The following ATF7IP2 variants were observed in gnomAD, a reference collection of about 807,000 sequenced individuals.
ATF7IP2 encodes activating transcription factor 7 interacting protein 2.
ATF7IP2 carries 42 observed loss-of-function variants against 64.2 expected under a neutral mutation model. The ratio of observed to expected loss-of-function variants is 0.65; its 90% CI spans 0.51 to 0.85. The LOEUF is 0.85. ATF7IP2 is among the 40% of genes least tolerant of loss of function. The pLI, the probability that ATF7IP2 is intolerant of heterozygous loss-of-function variation, is 0.00. For synonymous variants in ATF7IP2, 308 were observed against 272.8 expected (o/e 1.13, Z -1.27); for missense variants, 933 against 784.2 (o/e 1.19, Z -2.27).
Position 10,457,539 on chromosome 16 carries a change from T to G in ATF7IP2, c.1352+10T>G, listed in dbSNP as rs1188559170. On this transcript the variant is annotated intron_variant, in intron 9 of 13. Transcript: ENST00000562102. Reference sequence around the variant, plus strand: ...AGTCTGTTTCTGAAAGGTAGGTGTTTCTGCAAAAATGCATAAATTTATCTA... The same window carrying G: ...AGTCTGTTTCTGAAAGGTAGGTGTTGCTGCAAAAATGCATAAATTTATCTA... 6.5e-7 allele frequency: 1 copy of G among 1,535,274 alleles called. No homozygotes were observed. The highest frequency in any genetic ancestry group is 2.3e-5 in the Admixed American group (1 of 43,512).
chr16:10,475,954 T>C (rs2142089189), intron 12 of ATF7IP2, among the ~76,000 whole-genome samples: 1 of 152,354 alleles, frequency 6.6e-6, no homozygotes, highest in South Asian at 2.1e-4. Context: ...AGTCCTGTTT[T>C]GTCTCTTATT....
At chr16:10,452,773 T>C (rs968312750) in intron 8 of ATF7IP2, among the ~76,000 whole-genome samples, 3 of 152,126 alleles carry the variant, frequency 2.0e-5, no homozygotes, top group African/African-American at 7.2e-5. Flanking sequence ...TTTTCAGAGA[T>C]GCCCTGTCCA....
intron 1 of ATF7IP2, among the ~76,000 whole-genome samples, chr16:10,397,203 A>G (rs1265334668): frequency 3.3e-5 from 5 of 152,068 alleles, no homozygotes; most frequent in Non-Finnish European, 5.9e-5. Context: ...TTTTATCCCA[A>G]TACTGTACTG....
chr16:10,440,063 G>A (rs544673315), intron 7 of ATF7IP2, among the ~76,000 whole-genome samples: 1 of 152,070 alleles, frequency 6.6e-6, no homozygotes, highest in South Asian at 2.1e-4. Flanking sequence ...GGGAGGCTGA[G>A]GCAGGAGAAT....
rs190413868 is a variant in ATF7IP2, at chr16:10,439,031, G to A, written c.1095+796G>A. Among the ~76,000 whole-genome samples, 859 of 117,140 alleles carry A rather than the reference G, an allele frequency of 7.3e-3. 11 individuals are homozygous for A. The highest frequency in any genetic ancestry group is 0.013 in the South Asian group (44 of 3,332). The allele number at this position is 117,140 out of a possible 152,430, so 76.8% of individuals were successfully genotyped here. A position where few individuals can be genotyped will look rare whatever the true frequency, so the allele number is the denominator to read the frequency against. On this transcript the variant is annotated intron_variant, in intron 7 of 13. Transcript: ENST00000562102. ...TTGCACCACTGCACTCCAGTCTGCC[G>A]ACAGCGAGACTCCATCTCAAAAAAA...
At chr16:10,412,541 G>A (rs138735120) in intron 1 of ATF7IP2, among the ~76,000 whole-genome samples, 3 of 152,212 alleles carry the variant, frequency 2.0e-5, no homozygotes, top group South Asian at 4.1e-4. Flanking sequence ...CTGAGAGAGT[G>A]CTTGATATAA....
At chr16:10,460,374 C>T (rs191243179) in intron 9 of ATF7IP2, among the ~76,000 whole-genome samples, 1 of 152,044 alleles carries the variant, frequency 6.6e-6, no homozygotes, top group African/African-American at 2.4e-5. Context: ...AACTTTATGA[C>T]GTGATTCTAA....
At chr16:10,436,901 T>G (rs2048436890) in intron 6 of ATF7IP2, among the ~76,000 whole-genome samples, 2 of 150,470 alleles carry the variant, frequency 1.3e-5, no homozygotes, top group East Asian at 3.8e-4. Flanking sequence ...CCAGTCTGTT[T>G]TCAAAAAAAA....
chr16:10,479,293 C>A (rs1297098766), intron 12 of ATF7IP2, among the ~76,000 whole-genome samples: 1 of 151,244 alleles, frequency 6.6e-6, no homozygotes, highest in Non-Finnish European at 1.5e-5. Context: ...AAATGTGGCA[C>A]ATATACACCA....
intron 12 of ATF7IP2, among the ~76,000 whole-genome samples, chr16:10,475,328 G>A (rs1180661321): frequency 1.3e-5 from 2 of 152,192 alleles, no homozygotes; most frequent in African/African-American, 2.4e-5. Context: ...AATGCCTAGA[G>A]CAACAGTTTT....
intron 2 of ATF7IP2, among the ~76,000 whole-genome samples, 153 bp downstream of exon 2, chr16:10,414,765 G>T (rs1348144844): frequency 6.6e-6 from 1 of 151,952 alleles, no homozygotes; most frequent in Non-Finnish European, 1.5e-5. Context: ...CAGAGGAAAG[G>T]TTTAGGGATC....
At chr16:10,420,290 C>T (rs943946532) in intron 3 of ATF7IP2, among the ~76,000 whole-genome samples, 3 of 151,852 alleles carry the variant, frequency 2.0e-5, no homozygotes, top group African/African-American at 7.3e-5. Context: ...GCATGTAGCC[C>T]AGACAAAATG....
At chr16:10,430,035 G>A (rs1341681222) in intron 4 of ATF7IP2, among the ~76,000 whole-genome samples, 11 of 151,488 alleles carry the variant, frequency 7.3e-5, no homozygotes, top group Non-Finnish European at 1.0e-4. Context: ...TGTACTTTTA[G>A]TAGAGACAGG....
chr16:10,405,959 C>A (rs541320269), intron 1 of ATF7IP2, among the ~76,000 whole-genome samples: 1 of 152,020 alleles, frequency 6.6e-6, no homozygotes, highest in African/African-American at 2.4e-5. Context: ...TGTGGTGGCA[C>A]GTGCCTGTAA....
chr16:10,396,528 T>G (rs2047421955), intron 1 of ATF7IP2, among the ~76,000 whole-genome samples: 1 of 152,166 alleles, frequency 6.6e-6, no homozygotes. Flanking sequence ...TATAAGTTTG[T>G]TTTCTTTTTT....
chr16:10,411,995 CA>C (rs2047772148), intron 1 of ATF7IP2, among the ~76,000 whole-genome samples: 1 of 27,018 alleles, frequency 3.7e-5, no homozygotes, highest in Non-Finnish European at 8.5e-5. Flanking sequence ...CTTTTTGTTT[CA>C]TTTATCTTTT....
chr16:10,388,138 G>T (rs1418888998), intron 1 of ATF7IP2, among the ~76,000 whole-genome samples: 4 of 152,074 alleles, frequency 2.6e-5, no homozygotes, highest in East Asian at 1.9e-4. Flanking sequence ...TGATCAGCCC[G>T]CCTCTGCCTC....
chr16:10,399,260 C>T (rs1444196), intron 1 of ATF7IP2, among the ~76,000 whole-genome samples: 116,822 of 152,196 alleles, frequency 0.77, 45,223 homozygotes, highest in East Asian at 0.87. Flanking sequence ...TAATACTAAA[C>T]TGATCTACAA....
intron 11 of ATF7IP2, 52 bp downstream of exon 11, chr16:10,473,586 A>G (rs753843827): frequency 1.5e-6 from 2 of 1,300,012 alleles, no homozygotes; most frequent in East Asian, 2.4e-5. Flanking sequence ...ATGTTAGTTC[A>G]AGGAACTTTA....
Sources: allele counts gnomAD v4.1 joint callset (sites outside exome capture counted in the v4.1 genomes callset), GRCh38; gene constraint gnomAD v4.1.1; transcripts MANE v1.5; gene names NCBI Gene and HGNC (gene_info 2026-07-23, HGNC 2026-07-21).